Variants in PPM1H observed in about 807,000 individuals in gnomAD.
PPM1H encodes the protein protein phosphatase 1H.
A neutral mutation model predicts 54.9 loss-of-function variants in PPM1H; 27 were observed. The ratio of observed to expected loss-of-function variants is 0.49; its 90% CI spans 0.36 to 0.68. The LOEUF is 0.68. Ranked by LOEUF, PPM1H falls within the 30% of genes least tolerant of loss-of-function variation. PPM1H has a pLI of 0.00. For synonymous variants in PPM1H, 305 were observed against 270.8 expected (o/e 1.13, Z -1.24); for missense variants, 596 against 667.8 (o/e 0.89, Z 1.19).
intron 2 of PPM1H, among the ~76,000 whole-genome samples, chr12:62,822,710 A>C (rs182429681): frequency 6.6e-6 from 1 of 152,352 alleles, no homozygotes; most frequent in Admixed American, 6.5e-5. Flanking sequence ...ACAAAGACAC[A>C]ACGTACCAGA....
Position 62,658,076 on chromosome 12 carries a change from A to G in PPM1H, c.1397+9102T>C, listed in dbSNP as rs1178637493. On this transcript the variant is annotated intron_variant, in intron 9 of 9. Coordinates refer to ENST00000228705, the MANE Select transcript of PPM1H (RefSeq NM_020700.2). The stretch of plus-strand genomic sequence containing the variant: ...GGTTACAAAAAAAAAAAAAAAAAAA[A>G]TGAGGTGGGGCCAGGCATGATGGCT... Among the ~76,000 whole-genome samples the G allele has an allele frequency of 2.0e-5, 3 of 147,688 alleles. No homozygotes were observed. In the East Asian group the frequency reaches 5.9e-4, roughly 29 times the overall value.
At chr12:62,780,834 G>A (rs2076637516) in intron 4 of PPM1H, among the ~76,000 whole-genome samples, 1 of 152,160 alleles carries the variant, frequency 6.6e-6, no homozygotes, top group South Asian at 2.1e-4. Context: ...CTACTACAAA[G>A]TTTCCTCCTG....
At chr12:62,729,890 G>A (rs182785607) in intron 5 of PPM1H, among the ~76,000 whole-genome samples, 221 of 152,192 alleles carry the variant, frequency 1.5e-3, no homozygotes, top group Middle Eastern at 3.4e-3. Context: ...TATCCCCTGT[G>A]ACCTGCACGT....
intron 3 of PPM1H, among the ~76,000 whole-genome samples, chr12:62,794,245 C>G (rs564244468): frequency 3.9e-5 from 6 of 152,196 alleles, no homozygotes; most frequent in Non-Finnish European, 5.9e-5. Context: ...ACAAAACCAA[C>G]TTAAATTTAA....
chr12:62,755,191 C>A, intron 4 of PPM1H: 1 of 606,468 alleles, frequency 1.6e-6, no homozygotes, highest in Non-Finnish European at 3.1e-6. Flanking sequence ...GCCGCCTCTT[C>A]TCTCTCATTG....
intron 1 of PPM1H, among the ~76,000 whole-genome samples, chr12:62,924,581 T>TAGAAAAAA (rs1871914843): frequency 6.6e-6 from 1 of 152,214 alleles, no homozygotes; most frequent in Admixed American, 6.5e-5. Flanking sequence ...GGTCTTATTT[T>TAGAAAAAA]TTCTAAGCTT....
Position 62,838,629 on chromosome 12 carries a change from A to G in PPM1H, c.246-6350T>C, listed in dbSNP as rs113470733. 6.2e-5 allele frequency among the ~76,000 whole-genome samples: 9 copies of G among 145,020 alleles called. 1 individual carries two copies. The highest frequency in any genetic ancestry group is 2.4e-4 in the African/African-American group (9 of 37,126). ...CCAGTCAAAACATCCATCAAGAATA[A>G]TAGCTTCTCTGGCCGGGCGCGGTGG... On this transcript the variant is annotated intron_variant, in intron 1 of 9. Coordinates refer to ENST00000228705, the MANE Select transcript of PPM1H (RefSeq NM_020700.2).
intron 4 of PPM1H, among the ~76,000 whole-genome samples, chr12:62,783,352 T>G (rs1171241580): frequency 6.6e-6 from 1 of 152,220 alleles, no homozygotes; most frequent in Non-Finnish European, 1.5e-5. Flanking sequence ...TGCCATTGAT[T>G]ATAAGGTGTG....
chr12:62,780,163 T>C (rs1308083586), intron 4 of PPM1H, among the ~76,000 whole-genome samples: 1 of 152,232 alleles, frequency 6.6e-6, no homozygotes, highest in Admixed American at 6.5e-5. Context: ...ATTTGCCTTA[T>C]AGCTTAAATA....
At chr12:62,888,629 G>T (rs895862466) in intron 1 of PPM1H, among the ~76,000 whole-genome samples, 1 of 152,134 alleles carries the variant, frequency 6.6e-6, no homozygotes, top group Non-Finnish European at 1.5e-5. Context: ...AAATAATCTT[G>T]CAAGGAACCC....
chr12:62,796,771 G>GCA (rs369291472), intron 3 of PPM1H, among the ~76,000 whole-genome samples: 62 of 152,040 alleles, frequency 4.1e-4, no homozygotes, highest in African/African-American at 4.6e-4. Context: ...CCGTGTGCGC[G>GCA]CACACACACA....
chr12:62,773,009 A>G (rs547704679), intron 4 of PPM1H, among the ~76,000 whole-genome samples: 10 of 152,072 alleles, frequency 6.6e-5, no homozygotes, highest in African/African-American at 1.2e-4. Context: ...TTAGCTGGGC[A>G]TGGTGGCGCG....
intron 1 of PPM1H, among the ~76,000 whole-genome samples, chr12:62,908,391 G>C (rs1443765572): frequency 2.4e-5 from 3 of 125,920 alleles, no homozygotes; most frequent in Admixed American, 9.4e-5. Context: ...TGGGTGACAA[G>C]AGCGAGACTC....
chr12:62,817,259 C>G (rs1389186890), intron 2 of PPM1H, among the ~76,000 whole-genome samples: 1 of 149,108 alleles, frequency 6.7e-6, no homozygotes, highest in Non-Finnish European at 1.5e-5. Flanking sequence ...TCAGGAGATC[C>G]AGACCATCCT....
At chr12:62,699,928 GGAC>G (rs2076134746) in intron 6 of PPM1H, among the ~76,000 whole-genome samples, 1 of 152,150 alleles carries the variant, frequency 6.6e-6, no homozygotes, top group East Asian at 1.9e-4. Flanking sequence ...CACCTCCAGT[GGAC>G]GACATTCCTT....
intron 2 of PPM1H, among the ~76,000 whole-genome samples, chr12:62,820,124 C>A (rs1336178474): frequency 6.6e-6 from 1 of 152,256 alleles, no homozygotes; most frequent in East Asian, 1.9e-4. Flanking sequence ...TTAGCAGGTC[C>A]CACACCTAAG....
At chr12:62,927,637 G>A (rs907300278) in intron 1 of PPM1H, among the ~76,000 whole-genome samples, 5 of 150,480 alleles carry the variant, frequency 3.3e-5, no homozygotes, top group Non-Finnish European at 7.4e-5. Context: ...ACTCCAGCCT[G>A]GGCAACAAGA....
At chr12:62,852,002 G>A (rs4105516) in intron 1 of PPM1H, among the ~76,000 whole-genome samples, 1,894 of 151,968 alleles carry the variant, frequency 0.012, 43 homozygotes, top group Admixed American at 0.031. Flanking sequence ...GGGAGGCTGA[G>A]GTGGGTGGAT....
chr12:62,823,605 A>G (rs763159489), intron 2 of PPM1H, among the ~76,000 whole-genome samples: 1 of 152,202 alleles, frequency 6.6e-6, no homozygotes, highest in Non-Finnish European at 1.5e-5. Flanking sequence ...TACCCAAATC[A>G]ATAAACATAA....
Sources: allele counts gnomAD v4.1 joint callset (sites outside exome capture counted in the v4.1 genomes callset), GRCh38; gene constraint gnomAD v4.1.1; transcripts MANE v1.5; gene names NCBI Gene and HGNC (gene_info 2026-07-23, HGNC 2026-07-21).